The following FER variants were observed in gnomAD, a reference collection of about 807,000 sequenced individuals.
FER encodes FER tyrosine kinase.
In FER, 63 loss-of-function variants were observed where a neutral mutation model predicts 111.0. The observed-to-expected ratio is 0.57, with a 90% CI of 0.46 to 0.70. The LOEUF (loss-of-function observed/expected upper bound fraction) is 0.70. FER is among the 30% of genes least tolerant of loss of function. FER has a pLI of 0.00. For missense variants in FER, 914 were observed against 954.0 expected, an observed-to-expected ratio of 0.96 and a Z score of 0.55; for synonymous variants, 327 against 313.9, an observed-to-expected ratio of 1.04 and a Z score of -0.44.
chr5:109,053,765 A>G (rs929412584), intron 16 of FER, among the ~76,000 whole-genome samples: 6 of 138,672 alleles, frequency 4.3e-5, no homozygotes, highest in Non-Finnish European at 6.0e-5. Flanking sequence ...ATCTTGGCTC[A>G]CTGCAAGCTC....
intron 17 of FER, among the ~76,000 whole-genome samples, chr5:109,122,918 A>C (rs1252812977): frequency 1.3e-5 from 2 of 152,024 alleles, no homozygotes; most frequent in African/African-American, 4.8e-5. Context: ...TGCACGGAAT[A>C]TCTTTTTTCA....
intron 5 of FER, among the ~76,000 whole-genome samples, chr5:108,859,197 C>T (rs2150209512): frequency 6.6e-6 from 1 of 152,284 alleles, no homozygotes; most frequent in East Asian, 1.9e-4. Flanking sequence ...ATCTCACTTC[C>T]TCTTTTCTTT....
At chr5:109,070,780 C>T (rs527807591) in intron 16 of FER, among the ~76,000 whole-genome samples, 166 of 151,776 alleles carry the variant, frequency 1.1e-3, no homozygotes, top group African/African-American at 3.5e-3. Context: ...TTTAGAAATG[C>T]GAATAACATA....
At chr5:108,762,712 C>G (rs1177408401) in intron 1 of FER, among the ~76,000 whole-genome samples, 2 of 152,130 alleles carry the variant, frequency 1.3e-5, no homozygotes, top group African/African-American at 4.8e-5. Flanking sequence ...CTCCCTCATG[C>G]GGGATTTTTT....
chr5:108,797,644 T>G (rs1756183713), intron 2 of FER, among the ~76,000 whole-genome samples: 1 of 152,230 alleles, frequency 6.6e-6, no homozygotes, highest in Admixed American at 6.5e-5. Flanking sequence ...GAGACTGTGT[T>G]TTCTACCCTT....
At chr5:108,940,766 G>A (rs556243938) in intron 10 of FER, among the ~76,000 whole-genome samples, 3 of 152,218 alleles carry the variant, frequency 2.0e-5, no homozygotes, top group African/African-American at 7.2e-5. Context: ...AGATACTTCA[G>A]ATGAAATCCT....
At chr5:109,015,218 A>C (rs1193782079) in intron 13 of FER, among the ~76,000 whole-genome samples, 6 of 152,060 alleles carry the variant, frequency 3.9e-5, no homozygotes, top group African/African-American at 1.4e-4. Flanking sequence ...CTTTGCAGTT[A>C]TCACAGTAGT....
intron 13 of FER, among the ~76,000 whole-genome samples, chr5:109,003,549 TG>T: frequency 1.3e-5 from 2 of 152,082 alleles, no homozygotes; most frequent in Non-Finnish European, 2.9e-5. Flanking sequence ...CACACCAGCA[TG>T]GCACATGTAT....
At chr5:108,910,506 C>T (rs1751395416) in intron 10 of FER, among the ~76,000 whole-genome samples, 1 of 151,906 alleles carries the variant, frequency 6.6e-6, no homozygotes, top group South Asian at 2.1e-4. Context: ...ATTTTAGATT[C>T]AGTAGGTATA....
intron 5 of FER, among the ~76,000 whole-genome samples, chr5:108,853,841 G>A (rs141227964): frequency 1.0e-3 from 156 of 152,298 alleles, no homozygotes; most frequent in African/African-American, 3.5e-3. Context: ...GAGGAGTGAC[G>A]TGAATGAACT....
intron 1 of FER, among the ~76,000 whole-genome samples, chr5:108,757,425 A>G (rs2149919895): frequency 6.6e-6 from 1 of 152,326 alleles, no homozygotes; most frequent in South Asian, 2.1e-4. Context: ...TGGAGAGAGA[A>G]TAAAGAGGCC....
chr5:109,024,024 CTCTTTTTA>C lies in FER; in HGVS notation c.1657-13392_1657-13385del, dbSNP rs139249202. 1.0e-2 allele frequency among the ~76,000 whole-genome samples: 1,520 copies of C among 152,216 alleles called. 22 individuals are homozygous for C. Among genetic ancestry groups the C allele is most frequent in the African/African-American group, 0.035 (1,451 of 41,532 alleles). On this transcript the variant is annotated intron_variant, in intron 13 of 19. Transcript: ENST00000281092. ...TTAGAACCACCCTATATAGTAGCTT[CTCTTTTTA>C]TCTTTATTTTGCAGATAAGGAAGCT...
At chr5:108,925,014 T>G (rs989989255) in intron 10 of FER, among the ~76,000 whole-genome samples, 9 of 152,086 alleles carry the variant, frequency 5.9e-5, no homozygotes, top group Non-Finnish European at 1.0e-4. Flanking sequence ...CATTTGTATT[T>G]TATTTCATTT....
chr5:108,876,288 A>C (rs1765081633), intron 8 of FER, among the ~76,000 whole-genome samples: 1 of 152,196 alleles, frequency 6.6e-6, no homozygotes, highest in South Asian at 2.1e-4. Context: ...TACGTAAATA[A>C]AGTTTTATTG....
At chr5:109,172,133 G>T (rs1161950454) in intron 17 of FER, among the ~76,000 whole-genome samples, 1 of 151,820 alleles carries the variant, frequency 6.6e-6, no homozygotes, top group Admixed American at 6.6e-5. Context: ...CCCATTACTG[G>T]GTATATACCC....
rs573693572 is a variant in FER, at chr5:108,770,955, G to C, written c.-60+2717G>C. Among the ~76,000 whole-genome samples, 13 of 144,842 alleles carry C rather than the reference G, an allele frequency of 9.0e-5. No individual in the cohort carries two copies. In the South Asian group the frequency reaches 2.6e-3, roughly 30 times the overall value. On this transcript the variant is annotated intron_variant, in intron 2 of 19. Transcript: ENST00000281092. Reference sequence around the variant, plus strand: ...TCTCTGAAAAAAAATTTTTTTTTTTGAGATGGAGTCTCACTCTGTCACCCA... The same window carrying C: ...TCTCTGAAAAAAAATTTTTTTTTTTCAGATGGAGTCTCACTCTGTCACCCA...
chr5:108,818,579 A>G (rs1473383590), intron 3 of FER, among the ~76,000 whole-genome samples: 2 of 152,122 alleles, frequency 1.3e-5, no homozygotes, highest in African/African-American at 2.4e-5. Context: ...CAAATTAGTA[A>G]TTTGTTTTCC....
At chr5:108,998,077 G>T (rs1239285081) in intron 13 of FER, among the ~76,000 whole-genome samples, 6 of 151,452 alleles carry the variant, frequency 4.0e-5, no homozygotes, top group African/African-American at 1.5e-4. Context: ...GGCTCCGTGG[G>T]TGTGGGACCT....
chr5:108,956,094 A>G (rs527867022), intron 12 of FER, among the ~76,000 whole-genome samples: 1 of 151,836 alleles, frequency 6.6e-6, no homozygotes, highest in Admixed American at 6.6e-5. Flanking sequence ...CCTCAACTTG[A>G]TAATCATATT....
Sources: gnomAD v4.1 joint callset for allele counts (sites outside exome capture counted in the v4.1 genomes callset) on GRCh38, gnomAD v4.1.1 for gene constraint, MANE v1.5 for transcripts, NCBI Gene and HGNC (gene_info 2026-07-23, HGNC 2026-07-21) for gene names.